The following TNIK variants were observed in gnomAD, a reference collection of about 807,000 sequenced individuals.
TNIK encodes TRAF2 and NCK-interacting protein kinase.
TNIK carries 49 observed loss-of-function variants against 191.3 expected under a neutral mutation model. The ratio of observed to expected loss-of-function variants is 0.26; its 90% confidence interval spans 0.20 to 0.32. The LOEUF (loss-of-function observed/expected upper bound fraction) is 0.32, where lower values mean the gene tolerates loss of function less well. TNIK is among the 10% of genes least tolerant of loss of function. TNIK has a pLI of 1.00. For missense variants in TNIK, 1,155 were observed against 1,702.3 expected, an observed-to-expected ratio of 0.68 and a Z score of 5.66; for synonymous variants, 594 against 600.9, an observed-to-expected ratio of 0.99 and a Z score of 0.17.
chr3:171,296,374 A>G (rs957460909), intron 2 of TNIK, among the ~76,000 whole-genome samples: 1 of 152,126 alleles, frequency 6.6e-6, no homozygotes, highest in Non-Finnish European at 1.5e-5. Context: ...CTTCCCCCCA[A>G]CACACCCTTT....
At chr3:171,081,748 G>C (rs1320717554) in intron 27 of TNIK, among the ~76,000 whole-genome samples, 1 of 149,782 alleles carries the variant, frequency 6.7e-6, no homozygotes, top group Non-Finnish European at 1.5e-5. Flanking sequence ...AAGCTACAGA[G>C]CATAGCAGTA....
chr3:171,078,634 G>A (rs1464058856), intron 28 of TNIK, among the ~76,000 whole-genome samples: 1 of 151,532 alleles, frequency 6.6e-6, no homozygotes, highest in African/African-American at 2.4e-5. Context: ...CTTTCTTTCT[G>A]TTTGTTTAGG....
intron 4 of TNIK, among the ~76,000 whole-genome samples, chr3:171,200,139 G>A (rs1165634341): frequency 6.6e-6 from 1 of 152,180 alleles, no homozygotes; most frequent in African/African-American, 2.4e-5. Flanking sequence ...TGGAAGGCAG[G>A]GGTGATAGGG....
intron 2 of TNIK, among the ~76,000 whole-genome samples, chr3:171,341,834 T>C (rs1329256555): frequency 6.6e-6 from 1 of 152,188 alleles, no homozygotes; most frequent in Non-Finnish European, 1.5e-5. Context: ...GAATCCACCA[T>C]CTTATTTGAT....
At chr3:171,183,921 T>TAA (rs11437224) in intron 7 of TNIK, among the ~76,000 whole-genome samples, 3,809 of 86,072 alleles carry the variant, frequency 0.044, 86 homozygotes, top group South Asian at 0.061. Flanking sequence ...GACTCCGTCT[T>TAA]AAAAAAAAAA....
At chr3:171,426,163 C>T (rs1255681658) in intron 1 of TNIK, among the ~76,000 whole-genome samples, 1 of 151,874 alleles carries the variant, frequency 6.6e-6, no homozygotes, top group Non-Finnish European at 1.5e-5. Context: ...CCCAAATGTC[C>T]AACAATGATA....
At chr3:171,341,904 C>T (rs965811396) in intron 2 of TNIK, among the ~76,000 whole-genome samples, 2 of 152,180 alleles carry the variant, frequency 1.3e-5, no homozygotes, top group South Asian at 2.1e-4. Flanking sequence ...AAAATGGACC[C>T]AGTGTACAGC....
At chr3:171,337,586 C>T (rs972569714) in intron 2 of TNIK, among the ~76,000 whole-genome samples, 8 of 152,168 alleles carry the variant, frequency 5.3e-5, no homozygotes, top group African/African-American at 1.4e-4. Flanking sequence ...TCCCTTATTC[C>T]CACTTACTGT....
At chr3:171,074,312 G>C (rs1719613105) in intron 28 of TNIK, among the ~76,000 whole-genome samples, 1 of 152,088 alleles carries the variant, frequency 6.6e-6, no homozygotes. Flanking sequence ...GCTAACAATG[G>C]GGTGCACATG....
At chr3:171,453,231 T>C (rs967593555) in intron 1 of TNIK, among the ~76,000 whole-genome samples, 2 of 152,158 alleles carry the variant, frequency 1.3e-5, no homozygotes, top group African/African-American at 4.8e-5. Context: ...AAAGGAATTG[T>C]CTAGTAGTGA....
intron 1 of TNIK, among the ~76,000 whole-genome samples, chr3:171,428,588 C>A (rs1216498011): frequency 6.6e-6 from 1 of 151,968 alleles, no homozygotes; most frequent in Non-Finnish European, 1.5e-5. Flanking sequence ...AATCCAGGGT[C>A]TTCACTTTCT....
At chr3:171,125,850 T>G in intron 17 of TNIK, 62 bp downstream of exon 17, 1 of 1,585,134 alleles carries the variant, frequency 6.3e-7, no homozygotes, top group Non-Finnish European at 8.6e-7. Flanking sequence ...AGGTCTGGAA[T>G]AGTGGTAATA....
chr3:171,115,050 T>TA (rs1327987213), intron 18 of TNIK, among the ~76,000 whole-genome samples: 3 of 152,262 alleles, frequency 2.0e-5, no homozygotes, highest in African/African-American at 7.2e-5. Flanking sequence ...AAACTTGCTC[T>TA]AAAAAATGTA....
At chr3:171,163,732 C>T (rs1420946913) in intron 10 of TNIK, among the ~76,000 whole-genome samples, 3 of 152,000 alleles carry the variant, frequency 2.0e-5, no homozygotes, top group Non-Finnish European at 4.4e-5. Context: ...GGAAAAGAAG[C>T]ACACAATTAT....
chr3:171,093,549 A>G (rs73035327), intron 23 of TNIK, among the ~76,000 whole-genome samples: 30,717 of 152,126 alleles, frequency 0.2, 5,197 homozygotes, highest in African/African-American at 0.47. Context: ...GGAAACATCT[A>G]AGTTTGCAAT....
chr3:171,091,578 A>G (rs930732563), intron 23 of TNIK, among the ~76,000 whole-genome samples: 9 of 151,964 alleles, frequency 5.9e-5, no homozygotes, highest in Admixed American at 4.6e-4. Flanking sequence ...CCCCATCTCT[A>G]CTAAAATACA....
At chr3:171,251,392 T>A (rs73879519) in intron 2 of TNIK, among the ~76,000 whole-genome samples, 1,847 of 152,290 alleles carry the variant, frequency 0.012, 30 homozygotes, top group African/African-American at 0.042. Context: ...TGGGTAATGA[T>A]CTTGGATGAT....
intron 2 of TNIK, among the ~76,000 whole-genome samples, chr3:171,336,943 G>A (rs1757016366): frequency 1.3e-5 from 2 of 152,270 alleles, no homozygotes; most frequent in South Asian, 2.1e-4. Flanking sequence ...ATCCTAGTGG[G>A]GATGAGAAAC....
rs187000589 is a variant in TNIK at position 171,254,141 on chromosome 3, C to T, written c.124-25920G>A. On this transcript the variant is annotated intron_variant, in intron 2 of 32. Coordinates refer to ENST00000436636, the MANE Select transcript of TNIK (RefSeq NM_015028.4). Reference sequence around the variant, plus strand: ...TATTTTAGCAAGAAAATAGTAACTTCCAGTACTTGTGGAACAACAGAACAA... The same window carrying T: ...TATTTTAGCAAGAAAATAGTAACTTTCAGTACTTGTGGAACAACAGAACAA... 1.8e-4 allele frequency among the ~76,000 whole-genome samples: 28 copies of T among 152,262 alleles called. No homozygotes were observed. In the East Asian group the frequency reaches 5.4e-3, roughly 29 times the overall value.
Sources: allele counts gnomAD v4.1 joint callset (sites outside exome capture counted in the v4.1 genomes callset), GRCh38; gene constraint gnomAD v4.1.1; transcripts MANE v1.5; gene names NCBI Gene and HGNC (gene_info 2026-07-23, HGNC 2026-07-21).